Variants in MFSD2A observed in about 807,000 individuals in gnomAD.
MFSD2A encodes the protein MFSD2 lysolipid transporter A, lysophospholipid, also known as sodium-dependent lysophosphatidylcholine symporter 1.
In MFSD2A, 27 loss-of-function variants were observed where a neutral mutation model predicts 64.7. The observed-to-expected ratio is 0.42, with a 90% CI of 0.31 to 0.58. The LOEUF is 0.58. Ranked by LOEUF, MFSD2A falls within the 20% of genes least tolerant of loss-of-function variation. The pLI is 0.18. For synonymous variants in MFSD2A, 258 were observed against 273.4 expected (o/e 0.94, Z 0.55); for missense variants, 474 against 679.5 (o/e 0.70, Z 3.36).
At chr1:39,957,925 C>T (rs1202054632) in intron 2 of MFSD2A, 1 of 152,174 alleles carries the variant, frequency 6.6e-6, no homozygotes, top group Non-Finnish European at 1.5e-5. Flanking sequence ...CACTGAACTC[C>T]AGAAGGAACA....
intron 11 of MFSD2A, 45 bp downstream of exon 11, chr1:39,967,961 G>A (rs1452511419): frequency 1.6e-6 from 2 of 1,276,934 alleles, no homozygotes; most frequent in Non-Finnish European, 1.1e-6. Context: ...CCAGCCCCTA[G>A]TCCCCAGTTT....
rs1194660774 is a variant in MFSD2A, at chr1:39,958,638, A to G, written c.229-63A>G. The stretch of plus-strand genomic sequence containing the variant: ...AGGGAGGGAGCCTCTGCTTCTGCCT[A>G]CCAGTGAGAGTTGAGGCGAGTAGAA... On this transcript the variant is annotated intron_variant, in intron 2 of 13. Coordinates refer to ENST00000372811, the MANE Select transcript of MFSD2A (RefSeq NM_032793.5). This position sits in a 1 kb window ranked among gnomAD's most constrained non-coding sequence, Gnocchi z 4.7. 6.2e-7 allele frequency: 1 copy of G among 1,613,874 alleles called. No individual in the cohort carries two copies. Among genetic ancestry groups the G allele is most frequent in the Non-Finnish European group, 8.5e-7 (1 of 1,179,944 alleles).
chr1:39,956,790 C>T (rs1356429645), intron 1 of MFSD2A, among the ~76,000 whole-genome samples: 1 of 151,712 alleles, frequency 6.6e-6, no homozygotes, highest in African/African-American at 2.4e-5. Context: ...GTAGTGGGTG[C>T]CTGTAGTCCC....
In MFSD2A at chr1:39,955,779, C is replaced by T. The variant is rs1454831434; in HGVS notation, c.93+394C>T. On this transcript the variant is annotated intron_variant, in intron 1 of 13. Coordinates refer to ENST00000372811, the MANE Select transcript of MFSD2A (RefSeq NM_032793.5). The surrounding 1 kb of genome is among the most constrained non-coding windows in gnomAD (Gnocchi z 5.9). ...CATCCCCTACCTCCCACTCCACCCA[C>T]CTACTCTTGCGCCTCAACTCTGCTG... 8 of 418,360 alleles carry T rather than the reference C, an allele frequency of 1.9e-5. No individual in the cohort carries two copies. In the Admixed American group the frequency reaches 2.1e-4, roughly 11 times the overall value. The allele number at this position is 418,360 out of a possible 1,614,324, so 25.9% of individuals were successfully genotyped here.
In MFSD2A at chr1:39,965,977, C is replaced by G. The variant is rs755487820; in HGVS notation, c.677C>G (p.Ala226Gly). Residue 226 changes from alanine to glycine, a missense_variant, in exon 6 of 14, where the codon GCC (alanine) becomes GGC (glycine). Transcript: ENST00000372811. This position sits in a 1 kb window ranked among gnomAD's most constrained non-coding sequence, Gnocchi z 5.5. ...AGCTCTACAGTAGCTTCACAAAGTG[C>G]CAACCATACACATGGCACCACCTCA... ...LNSSTVASQS[A>G]NHTHGTTSHR... The G allele has an allele frequency of 6.2e-7, 1 of 1,614,196 alleles. No homozygotes were observed. Among genetic ancestry groups the G allele is most frequent in the Non-Finnish European group, 8.5e-7 (1 of 1,180,044 alleles).
Position 39,965,156 on chromosome 1 carries a change from G to T in MFSD2A, c.354-55G>T. On this transcript the variant is annotated intron_variant, in intron 3 of 13. Transcript: ENST00000372811. This position sits in a 1 kb window ranked among gnomAD's most constrained non-coding sequence, Gnocchi z 5.5. ...CTGTGAGGCACAGCAGACTGGGCTG[G>T]GCCTGGTCCTGGGCTCCAGCCTCCA... The T allele has an allele frequency of 6.2e-7, 1 of 1,607,652 alleles. No homozygotes were observed.
chr1:39,958,964 C>A lies in MFSD2A; in HGVS notation c.353+139C>A. On this transcript the variant is annotated intron_variant, in intron 3 of 13. Transcript: ENST00000372811. This position sits in a 1 kb window ranked among gnomAD's most constrained non-coding sequence, Gnocchi z 4.7. ...TAAAAGCCCAAGGGTGTTGAAACCC[C>A]ATCCGAGGCATCAGCTACCCTGAGC... 1 of 994,330 alleles carries A rather than the reference C, an allele frequency of 1.0e-6. No individual in the cohort carries two copies. The highest frequency in any genetic ancestry group is 1.5e-6 in the Non-Finnish European group (1 of 680,752). The allele number at this position is 994,330 out of a possible 1,614,324, so 61.6% of individuals were successfully genotyped here.
In MFSD2A at chr1:39,955,478, C is replaced by A; in HGVS notation, c.93+93C>A. 7.8e-7 allele frequency: 1 copy of A among 1,289,884 alleles called. No individual in the cohort carries two copies. Among genetic ancestry groups the A allele is most frequent in the Non-Finnish European group, 1.1e-6 (1 of 919,172 alleles). 79.9% of individuals were successfully genotyped at this position (1,289,884 alleles called of 1,614,324 possible). A position where few individuals can be genotyped will look rare whatever the true frequency, so the allele number is the denominator to read the frequency against. ...TCCCGGGGTCGGCCTGGTCAGGGGA[C>A]CATTGGGATAGCCAGGGACAGGAAG... On this transcript the variant is annotated intron_variant, in intron 1 of 13. Transcript: ENST00000372811. This position sits in a 1 kb window ranked among gnomAD's most constrained non-coding sequence, Gnocchi z 5.9.
chr1:39,960,923 G>C lies in MFSD2A; in HGVS notation c.353+2098G>C, dbSNP rs1156794664. 6.6e-6 allele frequency among the ~76,000 whole-genome samples: 1 copy of C among 152,184 alleles called. No homozygotes were observed. The highest frequency in any genetic ancestry group is 2.4e-5 in the African/African-American group (1 of 41,424). On this transcript the variant is annotated intron_variant, in intron 3 of 13. Coordinates refer to ENST00000372811, the MANE Select transcript of MFSD2A (RefSeq NM_032793.5). The surrounding 1 kb of genome is among the most constrained non-coding windows in gnomAD (Gnocchi z 4.8). ...TGGCTGGTGGTGCCTGTGTATGCCT[G>C]CACGCGGGATGGCTCGTGGGCTGAA...
Position 39,967,790 on chromosome 1 carries a change from A to AC in MFSD2A, c.1096-9dup, listed in dbSNP as rs753830807. On this transcript the variant is annotated splice_polypyrimidine_tract_variant and intron_variant, in intron 10 of 13. Transcript: ENST00000372811. ...CCTCCCAGCTGATTCATCTTCCTGC[A>AC]CCCCCTTCCCTAGTCAGCAGTGCCA... The AC allele has an allele frequency of 2.5e-6, 4 of 1,610,202 alleles. No homozygotes were observed. Among genetic ancestry groups the AC allele is most frequent in the Non-Finnish European group, 3.4e-6 (4 of 1,177,228 alleles).
In MFSD2A at chr1:39,964,347, TATG is replaced by T. The variant is rs1645108493; in HGVS notation, c.354-862_354-860del. ...TAGCGCCCAGCCCATAGCTGGAACT[TATG>T]AGGAAATGAGGAAACGAGCTTCAGA... On this transcript the variant is annotated intron_variant, in intron 3 of 13. Transcript: ENST00000372811. The surrounding 1 kb of genome is among the most constrained non-coding windows in gnomAD (Gnocchi z 4.1). 6.6e-6 allele frequency: 1 copy of T among 152,206 alleles called. No homozygotes were observed. The highest frequency in any genetic ancestry group is 1.5e-5 in the Non-Finnish European group (1 of 68,036). 9.4% of individuals were successfully genotyped at this position (152,206 alleles called of 1,614,324 possible). A position where few individuals can be genotyped will look rare whatever the true frequency, so the allele number is the denominator to read the frequency against.
intron 1 of MFSD2A, among the ~76,000 whole-genome samples, chr1:39,956,837 ACC>A (rs1479288923): frequency 6.9e-6 from 1 of 145,950 alleles, no homozygotes; most frequent in East Asian, 2.0e-4. Context: ...AATGGCGTGA[ACC>A]CAGGAGGCGG....
rs1423463028 is a variant in MFSD2A at position 39,955,282 on chromosome 1, G to A, written c.-11G>A. Reference sequence around the variant, plus strand: ...CGTCTACCAGGTCCCAAGCGGCGTGGCCCGCGGGTCATGGCCAAAGGAGAA... The same window carrying A: ...CGTCTACCAGGTCCCAAGCGGCGTGACCCGCGGGTCATGGCCAAAGGAGAA... On this transcript the variant is annotated 5_prime_UTR_variant, in exon 1 of 14. Transcript: ENST00000372811. This position sits in a 1 kb window ranked among gnomAD's most constrained non-coding sequence, Gnocchi z 5.9. 1.4e-5 allele frequency: 20 copies of A among 1,411,510 alleles called. No individual in the cohort carries two copies. The highest frequency in any genetic ancestry group is 1.9e-5 in the Non-Finnish European group (20 of 1,081,072). 87.4% of individuals were successfully genotyped at this position (1,411,510 alleles called of 1,614,324 possible). A position where few individuals can be genotyped will look rare whatever the true frequency, so the allele number is the denominator to read the frequency against.
At chr1:39,961,410 G>A (rs1374640249) in intron 3 of MFSD2A, among the ~76,000 whole-genome samples, 1 of 139,132 alleles carries the variant, frequency 7.2e-6, no homozygotes, top group African/African-American at 2.7e-5. Context: ...GTGCACTGGC[G>A]TGATCTCAGT....
In MFSD2A at chr1:39,955,240, G is replaced by C; in HGVS notation, c.-53G>C. On this transcript the variant is annotated 5_prime_UTR_variant, in exon 1 of 14. Transcript: ENST00000372811. The surrounding 1 kb of genome is among the most constrained non-coding windows in gnomAD (Gnocchi z 5.9). ...GAGCTTGGGAGGAGCAGCGGCCTGC[G>C]GGGCAGAGGAGCATCCCGTCTACCA... is the stretch of plus-strand genomic sequence containing the variant. The C allele has an allele frequency of 1.5e-6, 2 of 1,314,706 alleles. No homozygotes were observed. Among genetic ancestry groups the C allele is most frequent in the South Asian group, 2.1e-5 (1 of 47,906 alleles). The allele number at this position is 1,314,706 out of a possible 1,614,324, so 81.4% of individuals were successfully genotyped here.
At position 39,969,486 on chromosome 1, in the gene MFSD2A, TCTC is replaced by T. The variant is rs1346571238; in HGVS notation, c.1530-15_1530-13del. ...AAGGATGGATGCTTCCTCCAACCCATCTCCTCTCTCTCTTGCAGGGACGAGGCC... is the reference window on the plus strand; with the variant it reads ...AAGGATGGATGCTTCCTCCAACCCATCTCTCTCTCTTGCAGGGACGAGGCC... On this transcript the variant is annotated splice_polypyrimidine_tract_variant and intron_variant, in intron 13 of 13. Transcript: ENST00000372811. 2.9e-5 allele frequency: 47 copies of T among 1,593,308 alleles called. No homozygotes were observed. The highest frequency in any genetic ancestry group is 3.7e-5 in the Non-Finnish European group (43 of 1,170,384).
In MFSD2A at chr1:39,968,509, G is replaced by A; in HGVS notation, c.1352+32G>A. ...GGGGTGGGGACCTGGGGCAGGACTGGGCAGGGCCAGGCCCCAGGTGCCCCA... is the reference window on the plus strand; with the variant it reads ...GGGGTGGGGACCTGGGGCAGGACTGAGCAGGGCCAGGCCCCAGGTGCCCCA... On this transcript the variant is annotated intron_variant, in intron 12 of 13. Coordinates refer to ENST00000372811, the MANE Select transcript of MFSD2A (RefSeq NM_032793.5). This position sits in a 1 kb window ranked among gnomAD's most constrained non-coding sequence, Gnocchi z 4.4. 1.2e-6 allele frequency: 2 copies of A among 1,614,010 alleles called. No homozygotes were observed. Among genetic ancestry groups the A allele is most frequent in the Non-Finnish European group, 1.7e-6 (2 of 1,179,892 alleles).
chr1:39,966,725 AG>A, intron 7 of MFSD2A, 34 bp downstream of exon 7: 1 of 1,613,284 alleles, frequency 6.2e-7, no homozygotes, highest in Non-Finnish European at 8.5e-7. Context: ...TGCAGGCCTC[AG>A]CATGGACAGC....
In MFSD2A at chr1:39,965,778, G is replaced by A. The variant is rs1645147667; in HGVS notation, c.557-79G>A. ...CCCACCCTGCCTGGAGCTACCGCTG[G>A]GCTCCCACCCATTTGACCTTCCTCC... On this transcript the variant is annotated intron_variant, in intron 5 of 13. Transcript: ENST00000372811. The surrounding 1 kb of genome is among the most constrained non-coding windows in gnomAD (Gnocchi z 5.5). 4 of 1,572,148 alleles carry A rather than the reference G, an allele frequency of 2.5e-6. No individual in the cohort carries two copies. The highest frequency in any genetic ancestry group is 4.6e-4 in the Middle Eastern group (2 of 4,382).
Sources: allele counts gnomAD v4.1 joint callset (sites outside exome capture counted in the v4.1 genomes callset), GRCh38; gene constraint gnomAD v4.1.1; non-coding constraint Gnocchi (gnomAD v3.1); transcripts MANE v1.5; gene names NCBI Gene and HGNC (gene_info 2026-07-23, HGNC 2026-07-21).